The following GXYLT2 variants were observed in gnomAD, a reference collection of about 807,000 sequenced individuals.
GXYLT2 encodes glycosyltransferase 8 domain containing 4.
GXYLT2 carries 53 observed loss-of-function variants against 45.8 expected under a neutral mutation model. The observed-to-expected ratio is 1.16, with a 90% CI of 0.93 to 1.46. The LOEUF is 1.46. Ranked by LOEUF, GXYLT2 falls within the 40% of genes most tolerant of loss-of-function variation. The pLI is 0.00. For missense variants in GXYLT2, 551 were observed against 544.4 expected (o/e 1.01, Z -0.12); for synonymous variants, 219 against 214.2 (o/e 1.02, Z -0.19).
intron 2 of GXYLT2, among the ~76,000 whole-genome samples, chr3:72,911,222 C>T (rs528102633): frequency 6.6e-6 from 1 of 151,880 alleles, no homozygotes; most frequent in South Asian, 2.1e-4. Flanking sequence ...ACCTGGGAGG[C>T]GGAGTTGCAG....
intron 6 of GXYLT2, among the ~76,000 whole-genome samples, chr3:72,968,062 C>T (rs143905036): frequency 0.014 from 2,197 of 152,242 alleles, 54 homozygotes; most frequent in African/African-American, 0.051. Context: ...CAACCTCCAC[C>T]TCCTGGGTTC....
intron 3 of GXYLT2, among the ~76,000 whole-genome samples, chr3:72,951,907 T>G (rs1007939208): frequency 6.6e-6 from 1 of 152,036 alleles, no homozygotes; most frequent in African/African-American, 2.4e-5. Context: ...AGTGGCACAA[T>G]CTCAGCTCAC....
chr3:72,915,274 C>T (rs1156248014), intron 2 of GXYLT2, among the ~76,000 whole-genome samples: 3 of 137,350 alleles, frequency 2.2e-5, no homozygotes, highest in Admixed American at 8.4e-5. Context: ...CACCAAAGGG[C>T]TGCTTTTAAA....
intron 2 of GXYLT2, among the ~76,000 whole-genome samples, chr3:72,915,354 T>TTGGGGG (rs71126805): frequency 9.0e-5 from 3 of 33,478 alleles, no homozygotes; most frequent in African/African-American, 1.6e-4. Context: ...TTTTTTTTTT[T>TTGGGGG]GCGGGGGGGG....
rs59583808 is a variant in GXYLT2 at position 72,929,374 on chromosome 3, AT to A, written c.600+7040del. ...GTGCATTACATTTGGGGAAAAAAAAATATGAGTCAGTCACTACTGGAACTGC... is the reference window on the plus strand; with the variant it reads ...GTGCATTACATTTGGGGAAAAAAAAAATGAGTCAGTCACTACTGGAACTGC... On this transcript the variant is annotated intron_variant, in intron 3 of 6. Coordinates refer to ENST00000389617, the MANE Select transcript of GXYLT2 (RefSeq NM_001080393.2). 11,904 of 1,065,278 alleles carry A rather than the reference AT, an allele frequency of 0.011. 687 individuals carry two copies. In the African/African-American group the frequency reaches 0.14, roughly 13 times the overall value. The allele number at this position is 1,065,278 out of a possible 1,614,324, so 66.0% of individuals were successfully genotyped here.
intron 3 of GXYLT2, among the ~76,000 whole-genome samples, chr3:72,938,048 A>G (rs1461907949): frequency 6.6e-6 from 1 of 152,198 alleles, no homozygotes; most frequent in Non-Finnish European, 1.5e-5. Context: ...GCTTGAGGCC[A>G]GGAGTTCAAG....
At chr3:72,939,010 T>C (rs904912134) in intron 3 of GXYLT2, among the ~76,000 whole-genome samples, 1 of 152,146 alleles carries the variant, frequency 6.6e-6, no homozygotes, top group African/African-American at 2.4e-5. Context: ...TGTTAGAACG[T>C]CACAAAAATG....
At chr3:72,934,246 G>A (rs1217053119) in intron 3 of GXYLT2, among the ~76,000 whole-genome samples, 1 of 151,666 alleles carries the variant, frequency 6.6e-6, no homozygotes, top group East Asian at 1.9e-4. Flanking sequence ...CACCATGCCA[G>A]GCTAATTTTT....
At chr3:72,915,664 C>T (rs1274146853) in intron 2 of GXYLT2, among the ~76,000 whole-genome samples, 1 of 152,018 alleles carries the variant, frequency 6.6e-6, no homozygotes, top group Non-Finnish European at 1.5e-5. Context: ...TGGTGAAACC[C>T]CGTCTCTACT....
chr3:72,940,704 C>T lies in GXYLT2; in HGVS notation c.601-14394C>T, dbSNP rs111891649. Among the ~76,000 whole-genome samples the T allele has an allele frequency of 9.7e-3, 1,470 of 152,244 alleles. 17 individuals carry two copies. Among genetic ancestry groups the T allele is most frequent in the African/African-American group, 0.034 (1,408 of 41,530 alleles). Reference sequence around the variant, plus strand: ...TTTGTTTGTTTGTTTGTTTCTGAGACAGGGTCTCCCTCTGTCATCCAGGCT... The same window carrying T: ...TTTGTTTGTTTGTTTGTTTCTGAGATAGGGTCTCCCTCTGTCATCCAGGCT... On this transcript the variant is annotated intron_variant, in intron 3 of 6. Coordinates refer to ENST00000389617, the MANE Select transcript of GXYLT2 (RefSeq NM_001080393.2).
chr3:72,974,513 A>T (rs1322051320), intron 6 of GXYLT2, among the ~76,000 whole-genome samples: 1 of 152,244 alleles, frequency 6.6e-6, no homozygotes, highest in East Asian at 1.9e-4. Flanking sequence ...CCTTCTACTC[A>T]GCGTAAACAT....
rs190762999 is a variant in GXYLT2 at position 72,901,546 on chromosome 3, C to T, written c.276-6821C>T. Among the ~76,000 whole-genome samples the T allele has an allele frequency of 3.1e-3, 425 of 137,030 alleles. 2 individuals carry two copies. The highest frequency in any genetic ancestry group is 0.01 in the African/African-American group (388 of 37,044). 89.9% of individuals were successfully genotyped at this position (137,030 alleles called of 152,430 possible). On this transcript the variant is annotated intron_variant, in intron 1 of 6. Transcript: ENST00000389617. The stretch of plus-strand genomic sequence containing the variant: ...CCATCATCACCATAGAATTTCAGAA[C>T]ATTTTCGCTTTTTTTTTTTTTTTTT...
chr3:72,964,906 A>G (rs917700199), intron 5 of GXYLT2, among the ~76,000 whole-genome samples: 2 of 152,200 alleles, frequency 1.3e-5, no homozygotes, highest in Non-Finnish European at 2.9e-5. Flanking sequence ...TTGGGTGACA[A>G]AAGGAAGCAG....
intron 2 of GXYLT2, among the ~76,000 whole-genome samples, chr3:72,920,426 C>G (rs1709811122): frequency 6.6e-6 from 1 of 152,066 alleles, no homozygotes; most frequent in Non-Finnish European, 1.5e-5. Context: ...TCAGCCACCA[C>G]TCCTGGCCTT....
chr3:72,946,898 A>G (rs756497525), intron 3 of GXYLT2, among the ~76,000 whole-genome samples: 5 of 152,146 alleles, frequency 3.3e-5, no homozygotes, highest in Admixed American at 6.5e-5. Flanking sequence ...ATCATAGCTC[A>G]CTGCAGCCTC....
At chr3:72,944,648 C>A (rs1710370181) in intron 3 of GXYLT2, among the ~76,000 whole-genome samples, 1 of 152,092 alleles carries the variant, frequency 6.6e-6, no homozygotes, top group East Asian at 1.9e-4. Context: ...CTGTTTCCAC[C>A]TCCTGAATTA....
Position 72,967,652 on chromosome 3 carries a change from G to A in GXYLT2, c.1082G>A (p.Gly361Glu). The A allele has an allele frequency of 1.2e-6, 2 of 1,613,984 alleles. No individual in the cohort carries two copies. The highest frequency in any genetic ancestry group is 2.2e-5 in the East Asian group (1 of 44,886). ...AEHEGVSVLH[G>E]NRGVYHDDKQ... ...CATGAAGGTGTGTCTGTTCTGCATG[G>A]AAACCGAGGCGTCTACCATGACGAT... Residue 361 changes from glycine to glutamate, a missense_variant, in exon 6 of 7, where the codon GGA becomes GAA. Transcript: ENST00000389617.
intron 2 of GXYLT2, among the ~76,000 whole-genome samples, chr3:72,910,935 T>G (rs1230608630): frequency 6.6e-6 from 1 of 152,168 alleles, no homozygotes; most frequent in Non-Finnish European, 1.5e-5. Context: ...GAGTACCTGC[T>G]GCATACTAAA....
At chr3:72,929,099 G>A in intron 3 of GXYLT2, 3 of 1,591,282 alleles carry the variant, frequency 1.9e-6, no homozygotes, top group East Asian at 2.2e-5. Flanking sequence ...CTCAGAGGCC[G>A]TCATCAACCG....
Sources: allele counts gnomAD v4.1 joint callset (sites outside exome capture counted in the v4.1 genomes callset), GRCh38; gene constraint gnomAD v4.1.1; transcripts MANE v1.5; gene names NCBI Gene and HGNC (gene_info 2026-07-23, HGNC 2026-07-21).